Variants in VIL1 observed in about 807,000 individuals in gnomAD.
The protein encoded by VIL1 is villin-1.
Under a neutral mutation model 104.0 loss-of-function variants are expected in VIL1, and 86 were observed. That is an observed-to-expected ratio of 0.83 (90% CI 0.69 to 0.99). VIL1 has a LOEUF of 0.99. Among genes scored for constraint, VIL1 ranks in the 50% least tolerant of loss-of-function variants. The probability of loss-of-function intolerance (pLI) is 0.00; values close to 1 mark genes in which losing one functional copy is unlikely to be tolerated. For missense variants in VIL1, 944 were observed against 1,054.1 expected, an observed-to-expected ratio of 0.90 and a Z score of 1.45; for synonymous variants, 394 against 412.6, an observed-to-expected ratio of 0.95 and a Z score of 0.55.
intron 19 of VIL1, among the ~76,000 whole-genome samples, chr2:218,448,217 G>A (rs1174179276): frequency 6.6e-6 from 1 of 151,748 alleles, no homozygotes; most frequent in Non-Finnish European, 1.5e-5. Flanking sequence ...CTGAGATTGT[G>A]CCACTGCACT....
At position 218,449,640 on chromosome 2, in the gene VIL1, TG is replaced by T. The variant is rs1401110687; in HGVS notation, c.*306del. 3.8e-6 allele frequency: 1 copy of T among 265,190 alleles called. No homozygotes were observed. Among genetic ancestry groups the T allele is most frequent in the Non-Finnish European group, 7.6e-6 (1 of 132,042 alleles). 16.4% of individuals were successfully genotyped at this position (265,190 alleles called of 1,614,324 possible). On this transcript the variant is annotated 3_prime_UTR_variant, in exon 20 of 20. Transcript: ENST00000248444. ...TTCTTAGAAGAGCACAAACACTCCA[TG>T]GAACATTAGAGTTCTGAGGCACTAC... is the stretch of plus-strand genomic sequence containing the variant.
At chr2:218,446,910 C>A (rs544337971) in intron 19 of VIL1, among the ~76,000 whole-genome samples, 1 of 151,822 alleles carries the variant, frequency 6.6e-6, no homozygotes, top group South Asian at 2.1e-4. Flanking sequence ...ATTACAGGCG[C>A]CTGCCACCAC....
chr2:218,445,296 A>C (rs1017628979), intron 19 of VIL1, among the ~76,000 whole-genome samples: 11 of 152,072 alleles, frequency 7.2e-5, no homozygotes, highest in Non-Finnish European at 1.6e-4. Flanking sequence ...GCTACCTGGG[A>C]GGGTGAGGTG....
rs764559568 is a variant in VIL1, at chr2:218,423,828, C to T, written c.50C>T (p.Pro17Leu). Residue 17 changes from proline to leucine, a missense_variant, in exon 2 of 20, where the codon CCG becomes CTG. Pro to Leu is a moderately conservative substitution (Grantham distance 98). Transcript: ENST00000248444. The part of the protein sequence containing the change: ...QVKGSLNITT[P>L]GLQIWRIEAM... ...AAAGGCTCTCTCAACATCACCACCC[C>T]GGGGCTGCAGATATGGAGGATCGAG... 23 of 1,614,040 alleles carry T rather than the reference C, an allele frequency of 1.4e-5. No individual in the cohort carries two copies. In the East Asian group the frequency reaches 1.8e-4, roughly 13 times the overall value.
chr2:218,420,112 C>G (rs958033689), intron 1 of VIL1, among the ~76,000 whole-genome samples: 1 of 152,160 alleles, frequency 6.6e-6, no homozygotes, highest in Non-Finnish European at 1.5e-5. Flanking sequence ...AGCCGCAACT[C>G]AAGTACAACA....
At chr2:218,432,687 T>C in intron 12 of VIL1, 106 bp from the exon 13 acceptor site, 1 of 1,454,862 alleles carries the variant, frequency 6.9e-7, no homozygotes, top group Non-Finnish European at 9.4e-7. Context: ...GACAATTGGG[T>C]TTAGGACCAG....
In VIL1 at chr2:218,449,315, GA is replaced by G; in HGVS notation, c.2466del (p.Glu823LysfsTer29). On this transcript the variant is annotated frameshift_variant, in exon 20 of 20. Transcript: ENST00000248444. LOFTEE classifies it high-confidence loss of function. Reference sequence around the variant, plus strand: ...CTCGATGGAAGCAACAAAACCTCAAGAAAGAAAAAGGACTATTTTGAGAAGA... The same window carrying G: ...CTCGATGGAAGCAACAAAACCTCAAGAAGAAAAAGGACTATTTTGAGAAGA... ...LPRWKQQNLK[K>X]EKGLF 1 of 1,613,584 alleles carries G rather than the reference GA, an allele frequency of 6.2e-7. No homozygotes were observed. Among genetic ancestry groups the G allele is most frequent in the East Asian group, 2.2e-5 (1 of 44,864 alleles).
chr2:218,437,356 G>A (rs1300523812), intron 17 of VIL1, 44 bp downstream of exon 17: 1 of 1,598,954 alleles, frequency 6.3e-7, no homozygotes, highest in African/African-American at 1.3e-5. Flanking sequence ...GCCCTGCCTG[G>A]AGATCAGTGC....
chr2:218,424,804 G>A (rs372659158), intron 3 of VIL1, among the ~76,000 whole-genome samples: 1 of 151,918 alleles, frequency 6.6e-6, no homozygotes, highest in Non-Finnish European at 1.5e-5. Context: ...CTACAGGCAC[G>A]TGCCACCACA....
rs1299308123 is a variant in VIL1, at chr2:218,431,921, G to T, written c.1167G>T (p.Gln389His). The T allele has an allele frequency of 6.2e-7, 1 of 1,613,976 alleles. No homozygotes were observed. Among genetic ancestry groups the T allele is most frequent in the East Asian group, 2.2e-5 (1 of 44,842 alleles). The change falls in exon 11 of 20, where the codon CAG becomes CAT. Residue 389 changes from glutamine to histidine, a missense_variant. By Grantham distance (24) the Gln-to-His change is conservative. Coordinates refer to ENST00000248444, the MANE Select transcript of VIL1 (RefSeq NM_007127.3). ...ATGTCAAGCCTCAGGTGGCTGCCCA[G>T]CAGAAGATGGTAGATGATGGGAGTG... ...SMHVKPQVAA[Q>H]QKMVDDGSGE... is the part of the protein sequence containing the mutation.
intron 18 of VIL1, 86 bp downstream of exon 18, chr2:218,438,812 C>T (rs997846116): frequency 5.1e-6 from 6 of 1,165,694 alleles, no homozygotes; most frequent in Non-Finnish European, 7.5e-6. Context: ...AGAGAAGACA[C>T]CAGAGTCCTG....
At chr2:218,432,310 G>C in intron 12 of VIL1, 127 bp downstream of exon 12, 1 of 1,411,214 alleles carries the variant, frequency 7.1e-7, no homozygotes, top group Non-Finnish European at 9.5e-7. Flanking sequence ...CCTTCAAGAA[G>C]GACTGCTTTG....
At chr2:218,428,191 C>G (rs1327893324) in intron 5 of VIL1, 36 bp from the exon 6 acceptor site, 8 of 1,608,046 alleles carry the variant, frequency 5.0e-6, no homozygotes, top group Non-Finnish European at 6.8e-6. Flanking sequence ...TAGGTGAGCT[C>G]TGAGTGGGGT....
At chr2:218,421,608 GC>G (rs1438476429) in intron 1 of VIL1, among the ~76,000 whole-genome samples, 2 of 152,142 alleles carry the variant, frequency 1.3e-5, no homozygotes, top group Non-Finnish European at 2.9e-5. Flanking sequence ...GAGGGCAGGA[GC>G]ATCTGGAGGG....
In VIL1 at chr2:218,453,229, T is replaced by G. The variant is rs1689536908; in HGVS notation, c.*3893T>G. ...AATCTTTCAGAAAAGATGTTGCATC[T>G]TCTGTGATGATGGTTTGTGTTTTTT... On this transcript the variant is annotated 3_prime_UTR_variant, in exon 20 of 20. Transcript: ENST00000248444. The G allele has an allele frequency of 1.3e-5, 2 of 152,010 alleles. No homozygotes were observed. The highest frequency in any genetic ancestry group is 1.3e-4 in the Admixed American group (2 of 15,252). The allele number at this position is 152,010 out of a possible 1,614,324, so 9.4% of individuals were successfully genotyped here.
intron 10 of VIL1, 111 bp downstream of exon 10, chr2:218,430,989 T>C (rs1431489015): frequency 1.4e-5 from 19 of 1,381,078 alleles, no homozygotes; most frequent in Non-Finnish European, 1.9e-5. Flanking sequence ...CAACGAAGAC[T>C]TTTACGCTGG....
At chr2:218,430,692 T>C (rs147248999) in intron 9 of VIL1, 33 bp from the exon 10 acceptor site, 2,281 of 1,550,808 alleles carry the variant, frequency 1.5e-3, no homozygotes, top group Non-Finnish European at 1.9e-3. Context: ...CTAGGGGAGG[T>C]GCATAGCTTC....
chr2:218,432,429 C>T, intron 12 of VIL1: 1 of 735,044 alleles, frequency 1.4e-6, no homozygotes, highest in Non-Finnish European at 2.4e-6. Flanking sequence ...CCTGCTCTGC[C>T]CATGGGTTTT....
chr2:218,442,901 G>A (rs912918776), intron 19 of VIL1, among the ~76,000 whole-genome samples: 2 of 152,174 alleles, frequency 1.3e-5, no homozygotes, highest in Non-Finnish European at 2.9e-5. Flanking sequence ...GCACATTCCT[G>A]TGTTCTCTCC....
Sources: gnomAD v4.1 joint callset for allele counts (sites outside exome capture counted in the v4.1 genomes callset) on GRCh38, gnomAD v4.1.1 for gene constraint, MANE v1.5 for transcripts, NCBI Gene and HGNC (gene_info 2026-07-23, HGNC 2026-07-21) for gene names.